Variants in PRRC2B observed in about 807,000 individuals in gnomAD.
The protein encoded by PRRC2B is proline rich coiled-coil 2B.
Under a neutral mutation model 242.3 loss-of-function variants are expected in PRRC2B, and 68 were observed. That is an observed-to-expected ratio of 0.28 (90% CI 0.23 to 0.34). The LOEUF (loss-of-function observed/expected upper bound fraction) is 0.34. PRRC2B is among the 10% of genes least tolerant of loss of function. PRRC2B has a pLI of 1.00. For synonymous variants in PRRC2B, 1,228 were observed against 1,173.6 expected, an observed-to-expected ratio of 1.05 and a Z score of -0.95; for missense variants, 2,835 against 2,954.8, an observed-to-expected ratio of 0.96 and a Z score of 0.94.
intron 12 of PRRC2B, among the ~76,000 whole-genome samples, 191 bp from the exon 13 acceptor site, chr9:131,467,372 C>T (rs1414123181): frequency 1.3e-5 from 2 of 152,230 alleles, no homozygotes; most frequent in Non-Finnish European, 2.9e-5. Context: ...GTGAAGCCTC[C>T]TCACATGTGT....
chr9:131,485,611 G>A (rs1170470373), intron 25 of PRRC2B: 11 of 531,040 alleles, frequency 2.1e-5, no homozygotes, highest in Admixed American at 9.6e-5. Context: ...CATCCTTATC[G>A]TGTGCCAGTG....
intron 1 of PRRC2B, among the ~76,000 whole-genome samples, chr9:131,376,765 A>G (rs1481445274): frequency 6.6e-6 from 1 of 152,182 alleles, no homozygotes; most frequent in Non-Finnish European, 1.5e-5. Flanking sequence ...CCAGCTACTC[A>G]GGAGCCTGAC....
chr9:131,485,808 G>A (rs1944004883), intron 25 of PRRC2B: 1 of 703,246 alleles, frequency 1.4e-6, no homozygotes. Context: ...TAGTTGGTGA[G>A]TGGGAGGTGG....
intron 1 of PRRC2B, among the ~76,000 whole-genome samples, chr9:131,401,128 T>C (rs1837216761): frequency 6.6e-6 from 1 of 151,998 alleles, no homozygotes. Context: ...TTTATAGCAG[T>C]TTTCACAACT....
rs1402013910 is a variant in PRRC2B, at chr9:131,446,818, A to T, written c.855+176A>T. Reference sequence around the variant, plus strand: ...GCTTTTTAAATCTTCAGGGCCTCTGACTTCTTTCCCTGGTGATGTGGATAT... The same window carrying T: ...GCTTTTTAAATCTTCAGGGCCTCTGTCTTCTTTCCCTGGTGATGTGGATAT... On this transcript the variant is annotated intron_variant, in intron 7 of 31. Transcript: ENST00000683519. The surrounding 1 kb of genome is among the most constrained non-coding windows in gnomAD (Gnocchi z 4.1). Among the ~76,000 whole-genome samples, 4 of 151,986 alleles carry T rather than the reference A, an allele frequency of 2.6e-5. No individual in the cohort carries two copies. The highest frequency in any genetic ancestry group is 5.9e-5 in the Non-Finnish European group (4 of 68,012).
At chr9:131,423,336 C>T (rs1292634407) in intron 1 of PRRC2B, among the ~76,000 whole-genome samples, 1 of 152,204 alleles carries the variant, frequency 6.6e-6, no homozygotes, top group East Asian at 1.9e-4. Context: ...TGGATGCTCA[C>T]CGGTGCTTTC....
At chr9:131,389,955 G>C (rs940185660), upstream of PRRC2B, among the ~76,000 whole-genome samples, 4 of 115,020 alleles carry the variant, frequency 3.5e-5, no homozygotes, top group African/African-American at 1.3e-4. Flanking sequence ...ATGGAGTCCT[G>C]TTTTGTCGCC....
At chr9:131,421,799 A>T (rs914602047) in intron 1 of PRRC2B, among the ~76,000 whole-genome samples, 1 of 152,176 alleles carries the variant, frequency 6.6e-6, no homozygotes. Flanking sequence ...CTTGTTTTTG[A>T]AGCTGTCCAG....
chr9:131,442,790 A>G (rs1007816856), intron 5 of PRRC2B, among the ~76,000 whole-genome samples: 1 of 152,188 alleles, frequency 6.6e-6, no homozygotes, highest in Non-Finnish European at 1.5e-5. Flanking sequence ...CATATTCCAG[A>G]TCAAAAGACG....
chr9:131,439,462 G>A (rs757317375), intron 5 of PRRC2B, among the ~76,000 whole-genome samples: 2 of 152,202 alleles, frequency 1.3e-5, no homozygotes, highest in African/African-American at 2.4e-5. Flanking sequence ...CTCCTGTAAA[G>A]CAGCACTGGC....
At chr9:131,407,913 G>T (rs1837408279) in intron 1 of PRRC2B, among the ~76,000 whole-genome samples, 1 of 152,326 alleles carries the variant, frequency 6.6e-6, no homozygotes, top group Non-Finnish European at 1.5e-5. Flanking sequence ...TTAGGAGGAT[G>T]CTCTCTGCAG....
intron 1 of PRRC2B, among the ~76,000 whole-genome samples, chr9:131,421,620 C>T (rs558314446): frequency 3.9e-5 from 6 of 152,330 alleles, no homozygotes; most frequent in South Asian, 2.1e-4. Flanking sequence ...GGCCAGGGCA[C>T]GTTGCAGCAC....
intron 14 of PRRC2B, among the ~76,000 whole-genome samples, chr9:131,472,462 G>A (rs1332899306): frequency 8.0e-5 from 11 of 137,796 alleles, no homozygotes; most frequent in Non-Finnish European, 1.1e-4. Context: ...CCACCACCAC[G>A]CCCAGCTAAT....
At chr9:131,489,880 A>G (rs1944137253) in intron 28 of PRRC2B, among the ~76,000 whole-genome samples, 1 of 147,640 alleles carries the variant, frequency 6.8e-6, no homozygotes. Context: ...TTCTTCACCC[A>G]GTTTCCAGGC....
At chr9:131,420,481 C>CTCTCTTTCTTTCT (rs1837790748) in intron 1 of PRRC2B, among the ~76,000 whole-genome samples, 1 of 13,418 alleles carries the variant, frequency 7.5e-5, no homozygotes, top group African/African-American at 1.9e-4. Flanking sequence ...TTCTTTCTTT[C>CTCTCTTTCTTTCT]TTTCTTTCTT....
At chr9:131,461,859 C>T (rs1378334186) in intron 11 of PRRC2B, among the ~76,000 whole-genome samples, 3 of 152,334 alleles carry the variant, frequency 2.0e-5, no homozygotes, top group African/African-American at 7.2e-5. Context: ...TTCTATTCCA[C>T]ATTCTTATAA....
rs143596114 is a variant in PRRC2B at position 131,376,925 on chromosome 9, T to G, written c.-56+3194T>G. Reference sequence around the variant, plus strand: ...GAGACACTGAGGCAGGAGGATGGCTTGAGCGCAGGAGTTTGAGGCTGCAGT... The same window carrying G: ...GAGACACTGAGGCAGGAGGATGGCTGGAGCGCAGGAGTTTGAGGCTGCAGT... On this transcript the variant is annotated intron_variant, in intron 1 of 1. Coordinates refer to the PRRC2B transcript ENST00000682525. Among the ~76,000 whole-genome samples the G allele has an allele frequency of 1.1e-3, 169 of 152,094 alleles. 4 individuals are homozygous for G. The East Asian group carries it at 0.028, about 25-fold the overall frequency.
In PRRC2B at chr9:131,474,349, G is replaced by A. The variant is rs948360580; in HGVS notation, c.2325-105G>A. 3 of 1,000,588 alleles carry A rather than the reference G, an allele frequency of 3.0e-6. No homozygotes were observed. The African/African-American group carries it at 4.9e-5, about 16-fold the overall frequency. 62.0% of individuals were successfully genotyped at this position (1,000,588 alleles called of 1,614,324 possible). On this transcript the variant is annotated intron_variant, in intron 15 of 31. Coordinates refer to ENST00000683519, the MANE Select transcript of PRRC2B (RefSeq NM_013318.4). The stretch of plus-strand genomic sequence containing the variant: ...AGCTTTCTTTTTAAAAAGTGTTTTA[G>A]TTTTTGTTTTTGTTTTTTCTTTTTA...
At chr9:131,399,822 T>C (rs1837180283) in intron 1 of PRRC2B, among the ~76,000 whole-genome samples, 1 of 152,220 alleles carries the variant, frequency 6.6e-6, no homozygotes. Context: ...ATAATTGCTA[T>C]TATACGGATA....
Sources: allele counts gnomAD v4.1 joint callset (sites outside exome capture counted in the v4.1 genomes callset), GRCh38; gene constraint gnomAD v4.1.1; non-coding constraint Gnocchi (gnomAD v3.1); transcripts MANE v1.5; gene names NCBI Gene and HGNC (gene_info 2026-07-23, HGNC 2026-07-21).